The following CENPX variants were observed in gnomAD, a reference collection of about 807,000 sequenced individuals.
CENPX encodes FANCM associated histone fold protein 2.
A neutral mutation model predicts 13.2 loss-of-function variants in CENPX; 13 were observed. That is an observed-to-expected ratio of 0.98 (90% CI 0.64 to 1.56). The LOEUF is 1.56. Ranked by LOEUF, CENPX falls within the 40% of genes most tolerant of loss-of-function variation. The probability of loss-of-function intolerance (pLI) is 0.00; values close to 1 mark genes in which losing one functional copy is unlikely to be tolerated. For synonymous variants in CENPX, 66 were observed against 47.2 expected, an observed-to-expected ratio of 1.40 and a Z score of -1.63; for missense variants, 138 against 107.5, an observed-to-expected ratio of 1.28 and a Z score of -1.26.
At position 82,019,143 on chromosome 17, in the gene CENPX, C is replaced by G. The variant is rs1197138141; in HGVS notation, c.*62G>C. The G allele has an allele frequency of 1.3e-6, 2 of 1,503,000 alleles. No homozygotes were observed. The highest frequency in any genetic ancestry group is 1.8e-6 in the Non-Finnish European group (2 of 1,126,184). The allele number at this position is 1,503,000 out of a possible 1,614,324, so 93.1% of individuals were successfully genotyped here. A position where few individuals can be genotyped will look rare whatever the true frequency, so the allele number is the denominator to read the frequency against. On this transcript the variant is annotated 3_prime_UTR_variant, in exon 5 of 5. Coordinates refer to ENST00000392359, the MANE Select transcript of CENPX (RefSeq NM_001271006.2). ...CTCTTATCAGAGGCCGCTGGAAACA[C>G]AAGGCCTGCTTCTGTGGACCAGGGG...
chr17:82,020,010 G>T, intron 1 of CENPX, 101 bp from the exon 2 acceptor site: 1 of 1,162,836 alleles, frequency 8.6e-7, no homozygotes, highest in Non-Finnish European at 1.2e-6. Flanking sequence ...TCTGGCTGGA[G>T]ACGCCCTCTG....
chr17:82,019,246 C>T, intron 4 of CENPX, 27 bp from the exon 5 acceptor site: 1 of 1,596,952 alleles, frequency 6.3e-7, no homozygotes, highest in Non-Finnish European at 8.6e-7. Context: ...CACTTAGGGC[C>T]AGCCAGCCGG....
At chr17:82,020,916 G>T (rs1458140735) in intron 1 of CENPX, among the ~76,000 whole-genome samples, 2 of 152,194 alleles carry the variant, frequency 1.3e-5, no homozygotes, top group Non-Finnish European at 2.9e-5. Flanking sequence ...GCAGCCCTGG[G>T]TGGCTGGTGG....
intron 1 of CENPX, chr17:82,022,544 G>T (rs770796295): frequency 1.6e-5 from 9 of 550,918 alleles, no homozygotes; most frequent in Admixed American, 1.0e-4. Context: ...TCTCTTCGCC[G>T]GCTTGGACTC....
chr17:82,019,348 G>T lies in CENPX; in HGVS notation c.176C>A (p.Ala59Glu). The T allele has an allele frequency of 6.4e-7, 1 of 1,570,436 alleles. No homozygotes were observed. Among genetic ancestry groups the T allele is most frequent in the Non-Finnish European group, 8.6e-7 (1 of 1,160,214 alleles). ...AAVRGVRQAQ[A>E]EDALRVDVDQ... ...CACGTCCACACGGAGCGCGTCTTCT[G>T]CCTGGGCCTGCCGCACGCCGCGGAC... is the stretch of plus-strand genomic sequence containing the variant. The change falls in exon 4 of 5, where the codon GCA (alanine) becomes GAA (glutamate). Residue 59 changes from alanine (A) to glutamate (E), a missense_variant. Ala to Glu is a moderately radical substitution (Grantham distance 107). Transcript: ENST00000392359.
Position 82,019,844 on chromosome 17 carries a change from A to AC in CENPX, c.88+13dup. On this transcript the variant is annotated intron_variant, in intron 2 of 4. Transcript: ENST00000392359. ...ACACGGGGACCCACCTCCCGCCCGC[A>AC]CCCCCACCCGCACCTTTGGTCTTGT... The AC allele has an allele frequency of 1.8e-6, 2 of 1,141,982 alleles. No homozygotes were observed. The highest frequency in any genetic ancestry group is 2.5e-6 in the Non-Finnish European group (2 of 788,852). The allele number at this position is 1,141,982 out of a possible 1,614,324, so 70.7% of individuals were successfully genotyped here.
chr17:82,022,542 C>T (rs2043306882), intron 1 of CENPX: 1 of 548,178 alleles, frequency 1.8e-6, no homozygotes. Context: ...TCTCTCTTCG[C>T]CGGCTTGGAC....
At chr17:82,020,932 T>C (rs1358272668) in intron 1 of CENPX, among the ~76,000 whole-genome samples, 1 of 151,668 alleles carries the variant, frequency 6.6e-6, no homozygotes. Flanking sequence ...GGTGGAGCCA[T>C]GAGACTCAGT....
At chr17:82,021,585 G>A (rs1478584507) in intron 1 of CENPX, among the ~76,000 whole-genome samples, 3 of 130,288 alleles carry the variant, frequency 2.3e-5, no homozygotes, top group Non-Finnish European at 3.7e-5. Context: ...GCCCCATGAC[G>A]TGGGCGCCAC....
intron 1 of CENPX, 120 bp downstream of exon 1, chr17:82,022,706 G>A (rs1048089518): frequency 8.3e-7 from 1 of 1,211,782 alleles, no homozygotes; most frequent in Non-Finnish European, 1.2e-6. Context: ...GTCTGAGAAC[G>A]GGCCCAACCT....
rs1277766873 is a variant in CENPX, at chr17:82,018,783, A to G, written c.*422T>C. On this transcript the variant is annotated 3_prime_UTR_variant, in exon 5 of 5. Transcript: ENST00000392359. The stretch of plus-strand genomic sequence containing the variant: ...TGGGGAAGCATCTTCCAAGGGGAAT[A>G]TCGCATGGCTGGAAAGGTCACACGC... 3 of 280,708 alleles carry G rather than the reference A, an allele frequency of 1.1e-5. No individual in the cohort carries two copies. Among genetic ancestry groups the G allele is most frequent in the Non-Finnish European group, 1.3e-5 (2 of 150,576 alleles). 17.4% of individuals were successfully genotyped at this position (280,708 alleles called of 1,614,324 possible). A position where few individuals can be genotyped will look rare whatever the true frequency, so the allele number is the denominator to read the frequency against.
At chr17:82,019,731 C>G in intron 2 of CENPX, 37 bp from the exon 3 acceptor site, 2 of 1,550,352 alleles carry the variant, frequency 1.3e-6, no homozygotes, top group Non-Finnish European at 1.7e-6. Context: ...GACCCTCACC[C>G]ACCGCTCTGG....
At chr17:82,019,244 G>A (rs1415979294) in intron 4 of CENPX, 25 bp from the exon 5 acceptor site, 6 of 1,596,650 alleles carry the variant, frequency 3.8e-6, no homozygotes, top group Non-Finnish European at 2.6e-6. Flanking sequence ...AGCACTTAGG[G>A]CCAGCCAGCC....
rs778684331 is a variant in CENPX, at chr17:82,019,197, T to A, written c.*8A>T. On this transcript the variant is annotated 3_prime_UTR_variant, in exon 5 of 5. Coordinates refer to ENST00000392359, the MANE Select transcript of CENPX (RefSeq NM_001271006.2). ...CTCTGGGGGTGGCCTCAGCCACGGCTGAGATCCCTAGAAGTCCAGGAGCTG... is the reference window on the plus strand; with the variant it reads ...CTCTGGGGGTGGCCTCAGCCACGGCAGAGATCCCTAGAAGTCCAGGAGCTG... 6.4e-7 allele frequency: 1 copy of A among 1,569,878 alleles called. No individual in the cohort carries two copies. Among genetic ancestry groups the A allele is most frequent in the Non-Finnish European group, 8.7e-7 (1 of 1,152,240 alleles).
chr17:82,021,457 G>A (rs1438928099), intron 1 of CENPX, among the ~76,000 whole-genome samples: 1 of 152,266 alleles, frequency 6.6e-6, no homozygotes, highest in Non-Finnish European at 1.5e-5. Context: ...CCAGAGAGTG[G>A]CGGATGCCAG....
intron 1 of CENPX, among the ~76,000 whole-genome samples, chr17:82,020,815 T>C (rs746694681): frequency 1.3e-5 from 2 of 152,138 alleles, no homozygotes; most frequent in Non-Finnish European, 2.9e-5. Flanking sequence ...ATTTTGGAGC[T>C]AGGACACAGG....
chr17:82,021,392 C>T (rs186975405), intron 1 of CENPX, among the ~76,000 whole-genome samples: 1 of 152,364 alleles, frequency 6.6e-6, no homozygotes, highest in East Asian at 1.9e-4. Context: ...ACTATCTCCC[C>T]ACCTGCTCCG....
intron 3 of CENPX, 129 bp downstream of exon 3, chr17:82,019,512 G>C: frequency 2.0e-6 from 3 of 1,525,354 alleles, no homozygotes; most frequent in Non-Finnish European, 2.6e-6. Context: ...CACAGCACCT[G>C]ACAAACAGGC....
rs1249055425 is a variant in CENPX at position 82,022,850 on chromosome 17, T to G, written c.12A>C (p.Ala4=). The G allele has an allele frequency of 6.3e-7, 1 of 1,593,404 alleles. No homozygotes were observed. The highest frequency in any genetic ancestry group is 1.1e-5 in the South Asian group (1 of 88,396). Reference sequence around the variant, plus strand: ...CCTTCCGGAAGCCGGATCCAGCTCCTGCTCCCTCCATGACCGCAGCCTCAA... The same window carrying G: ...CCTTCCGGAAGCCGGATCCAGCTCCGGCTCCCTCCATGACCGCAGCCTCAA... MEG[A]GAGSGFRKEL... is the part of the protein sequence containing the mutation. The change falls in exon 1 of 5, where the codon GCA becomes GCC. Residue 4 remains alanine, a synonymous_variant. Transcript: ENST00000392359.
Sources: allele counts gnomAD v4.1 joint callset (sites outside exome capture counted in the v4.1 genomes callset), GRCh38; gene constraint gnomAD v4.1.1; transcripts MANE v1.5; gene names NCBI Gene and HGNC (gene_info 2026-07-23, HGNC 2026-07-21).